The following UBE3C variants were observed in gnomAD, a reference collection of about 807,000 sequenced individuals.
The protein encoded by UBE3C is ubiquitin-protein ligase E3C.
In UBE3C, 42 loss-of-function variants were observed where a neutral mutation model predicts 129.4. That is an observed-to-expected ratio of 0.32 (90% CI 0.25 to 0.42). The LOEUF is 0.42. Among genes scored for constraint, UBE3C ranks in the 10% least tolerant of loss-of-function variants. UBE3C has a pLI of 1.00. For synonymous variants in UBE3C, 510 were observed against 492.4 expected (o/e 1.04, Z -0.47); for missense variants, 1,049 against 1,319.1 (o/e 0.80, Z 3.17).
At chr7:157,155,193 G>GCA (rs141169927) in intron 1 of UBE3C, among the ~76,000 whole-genome samples, 12 of 151,466 alleles carry the variant, frequency 7.9e-5, no homozygotes, top group Non-Finnish European at 1.3e-4. Context: ...CCCTCCACAC[G>GCA]CACACACACA....
At chr7:157,266,880 GCAGACCAC>G (rs1342209279) in intron 22 of UBE3C, among the ~76,000 whole-genome samples, 1 of 151,970 alleles carries the variant, frequency 6.6e-6, no homozygotes, top group Admixed American at 6.6e-5. Context: ...GAGTATAGGG[GCAGACCAC>G]CACACCTGGC....
intron 22 of UBE3C, among the ~76,000 whole-genome samples, chr7:157,258,137 G>A (rs1273543303): frequency 6.6e-6 from 1 of 151,832 alleles, no homozygotes; most frequent in Admixed American, 6.6e-5. Context: ...TTGTAGAGAA[G>A]GGTTTCACTG....
intron 21 of UBE3C, among the ~76,000 whole-genome samples, chr7:157,256,166 C>G (rs918967439): frequency 1.3e-5 from 2 of 151,998 alleles, no homozygotes; most frequent in Non-Finnish European, 2.9e-5. Context: ...ATTTTGAGGG[C>G]GAATCTCACC....
chr7:157,179,007 C>T (rs1336764226), intron 6 of UBE3C, among the ~76,000 whole-genome samples, 160 bp downstream of exon 6: 2 of 152,010 alleles, frequency 1.3e-5, no homozygotes, highest in African/African-American at 2.4e-5. Context: ...ACCAGAGTCC[C>T]AGATTCCAAA....
chr7:157,192,876 A>AG, intron 10 of UBE3C: 1 of 886,462 alleles, frequency 1.1e-6, no homozygotes, highest in Non-Finnish European at 1.8e-6. Flanking sequence ...AAAAAAAAAA[A>AG]AGAAGGGATT....
intron 10 of UBE3C, 27 bp from the exon 11 acceptor site, chr7:157,201,694 C>G (rs1370746743): frequency 6.8e-5 from 35 of 511,358 alleles, no homozygotes; most frequent in East Asian, 1.6e-4. Context: ...CTTTACTGTT[C>G]TGTGTTTTTC....
At chr7:157,154,095 G>C (rs1027995069) in intron 1 of UBE3C, among the ~76,000 whole-genome samples, 9 of 152,108 alleles carry the variant, frequency 5.9e-5, no homozygotes, top group Non-Finnish European at 1.2e-4. Context: ...AGGCCGAGGT[G>C]GGTGGATCAC....
chr7:157,216,825 C>A, intron 13 of UBE3C, 42 bp from the exon 14 acceptor site: 1 of 1,491,750 alleles, frequency 6.7e-7, no homozygotes, highest in South Asian at 1.1e-5. Context: ...CATTGTGCTG[C>A]CGAGCTCACG....
chr7:157,169,876 G>A (rs1263098257), intron 3 of UBE3C, among the ~76,000 whole-genome samples: 1 of 152,022 alleles, frequency 6.6e-6, no homozygotes, highest in Non-Finnish European at 1.5e-5. Flanking sequence ...TAGAGATGGC[G>A]TTTCACCATG....
intron 10 of UBE3C, among the ~76,000 whole-genome samples, chr7:157,199,100 T>G (rs1314524068): frequency 1.3e-5 from 2 of 152,226 alleles, no homozygotes; most frequent in Non-Finnish European, 2.9e-5. Context: ...TAGCAGGGTA[T>G]TAACTGATGA....
chr7:157,206,099 A>T (rs1809425511), intron 11 of UBE3C, among the ~76,000 whole-genome samples: 1 of 152,096 alleles, frequency 6.6e-6, no homozygotes, highest in Non-Finnish European at 1.5e-5. Flanking sequence ...TTAACCTGTG[A>T]TTGATTTGAC....
Position 157,145,523 on chromosome 7 carries a change from G to A in UBE3C, c.66+6185G>A, listed in dbSNP as rs1807581516. On this transcript the variant is annotated intron_variant, in intron 1 of 22. Coordinates refer to ENST00000348165, the MANE Select transcript of UBE3C (RefSeq NM_014671.3). The stretch of plus-strand genomic sequence containing the variant: ...ACGAGAGTGATACTCTTTTAAAAAA[G>A]AAAAAAGGAAGAAATCCTCATTGCA... Among the ~76,000 whole-genome samples the A allele has an allele frequency of 4.0e-5, 6 of 151,866 alleles. No individual in the cohort carries two copies. In the South Asian group the frequency reaches 1.2e-3, roughly 31 times the overall value.
At chr7:157,166,353 A>G (rs1376417624) in intron 2 of UBE3C, among the ~76,000 whole-genome samples, 1 of 151,884 alleles carries the variant, frequency 6.6e-6, no homozygotes, top group African/African-American at 2.4e-5. Context: ...AAAAATACTT[A>G]CTCTTTGGTA....
intron 1 of UBE3C, among the ~76,000 whole-genome samples, chr7:157,152,998 C>T (rs1202009862): frequency 6.6e-6 from 1 of 152,084 alleles, no homozygotes; most frequent in African/African-American, 2.4e-5. Flanking sequence ...GAGTTTGAGA[C>T]CAGCCTAGCC....
chr7:157,254,056 C>T lies in UBE3C; in HGVS notation c.2797C>T (p.Arg933Cys), dbSNP rs138959964. The T allele has an allele frequency of 4.4e-5, 71 of 1,613,640 alleles. No individual in the cohort carries two copies. The highest frequency in any genetic ancestry group is 2.7e-4 in the African/African-American group (20 of 75,022). The change falls in exon 20 of 23, where the codon CGC becomes TGC. Residue 933 changes from arginine to cysteine, a missense_variant. This residue lies in a region of UBE3C where 243 missense variants were observed against 368.7 expected (regional missense o/e 0.66). Coordinates refer to ENST00000348165, the MANE Select transcript of UBE3C (RefSeq NM_014671.3). ...VADYRLNRQI[R>C]QHCLAFRQGL... ...AGACTACAGGCTGAACAGGCAGATC[C>T]GCCAGCACTGCCTGGCTTTCCGCCA...
At chr7:157,185,681 CTT>C (rs1808785449) in intron 9 of UBE3C, among the ~76,000 whole-genome samples, 1 of 152,138 alleles carries the variant, frequency 6.6e-6, no homozygotes, top group African/African-American at 2.4e-5. Context: ...TTGATAAGCT[CTT>C]TTGCCTTTAG....
Position 157,266,185 on chromosome 7 carries a change from GA to G in UBE3C, c.3082-1399del, listed in dbSNP as rs200141672. Among the ~76,000 whole-genome samples the G allele has an allele frequency of 7.8e-3, 1,193 of 152,232 alleles. 16 individuals carry two copies. Among genetic ancestry groups the G allele is most frequent in the South Asian group, 0.046 (221 of 4,816 alleles). Reference sequence around the variant, plus strand: ...AAAAATTAGCCGGGCGTGGTGGCGGGAGCCTGTAGTCCAAGCTATGCGGGAG... The same window carrying G: ...AAAAATTAGCCGGGCGTGGTGGCGGGGCCTGTAGTCCAAGCTATGCGGGAG... On this transcript the variant is annotated intron_variant, in intron 22 of 22. Coordinates refer to ENST00000348165, the MANE Select transcript of UBE3C (RefSeq NM_014671.3).
intron 5 of UBE3C, 29 bp from the exon 6 acceptor site, chr7:157,178,661 G>T: frequency 6.2e-7 from 1 of 1,603,232 alleles, no homozygotes; most frequent in Non-Finnish European, 8.5e-7. Flanking sequence ...CATCCTGTAA[G>T]TGTGTGAATA....
chr7:157,224,298 G>A (rs765261144), intron 16 of UBE3C, among the ~76,000 whole-genome samples: 4 of 152,020 alleles, frequency 2.6e-5, no homozygotes, highest in African/African-American at 7.2e-5. Context: ...GGATTCAAGC[G>A]ATTCTCCTGC....
Sources: allele counts gnomAD v4.1 joint callset (sites outside exome capture counted in the v4.1 genomes callset), GRCh38; gene constraint gnomAD v4.1.1; regional missense constraint gnomAD v4.1.1; transcripts MANE v1.5; gene names NCBI Gene and HGNC (gene_info 2026-07-23, HGNC 2026-07-21).